ADRA1B: variants seen among roughly 807,000 people sequenced by gnomAD.
ADRA1B encodes the protein adrenoceptor alpha 1B, also known as alpha-1B adrenergic receptor.
In ADRA1B, 17 loss-of-function variants were observed where a neutral mutation model predicts 17.9. The ratio of observed to expected loss-of-function variants is 0.95; its 90% CI spans 0.65 to 1.42. The LOEUF (loss-of-function observed/expected upper bound fraction) is 1.42. ADRA1B is among the 40% of genes most tolerant of loss of function. The probability of loss-of-function intolerance (pLI) is 0.00; values close to 1 mark genes in which losing one functional copy is unlikely to be tolerated. For synonymous variants in ADRA1B, 366 were observed against 327.6 expected (o/e 1.12, Z -1.27); for missense variants, 681 against 722.1 (o/e 0.94, Z 0.65).
intron 1 of ADRA1B, chr5:159,950,411 A>C: frequency 9.8e-6 from 7 of 713,544 alleles, no homozygotes; most frequent in Middle Eastern, 3.8e-4. Context: ...GTCATGGGGG[A>C]CTGTGTGTGG....
At chr5:159,931,756 A>G (rs952373436) in intron 1 of ADRA1B, among the ~76,000 whole-genome samples, 13 of 152,186 alleles carry the variant, frequency 8.5e-5, no homozygotes, top group African/African-American at 3.1e-4. Context: ...GGACCTGCCC[A>G]TAGATGGTGA....
At chr5:159,877,861 C>T (rs1403372008) in intron 1 of ADRA1B, among the ~76,000 whole-genome samples, 2 of 152,214 alleles carry the variant, frequency 1.3e-5, no homozygotes, top group Non-Finnish European at 1.5e-5. Flanking sequence ...ATAACTACTA[C>T]TTTATTCTCT....
At chr5:159,911,865 A>C (rs774286120), upstream of ADRA1B, among the ~76,000 whole-genome samples, 1 of 151,664 alleles carries the variant, frequency 6.6e-6, no homozygotes, top group African/African-American at 2.4e-5. Flanking sequence ...CAGATGCCTC[A>C]CTCCTCCAAT....
At chr5:159,886,688 C>T (rs1246570429) in intron 1 of ADRA1B, among the ~76,000 whole-genome samples, 1 of 152,260 alleles carries the variant, frequency 6.6e-6, no homozygotes, top group South Asian at 2.1e-4. Flanking sequence ...AATGTCATCA[C>T]GCTAATATAA....
intron 1 of ADRA1B, among the ~76,000 whole-genome samples, chr5:159,958,838 G>A (rs1755613946): frequency 1.3e-5 from 2 of 152,182 alleles, no homozygotes; most frequent in African/African-American, 4.8e-5. Context: ...CCAATGCTCA[G>A]TTTCTAAAAG....
intron 1 of ADRA1B, among the ~76,000 whole-genome samples, chr5:159,879,431 G>T (rs1189560167): frequency 6.6e-6 from 1 of 152,112 alleles, no homozygotes; most frequent in African/African-American, 2.4e-5. Flanking sequence ...AAACTCTTTA[G>T]GAATAATTCC....
intron 1 of ADRA1B, among the ~76,000 whole-genome samples, chr5:159,956,371 T>C (rs1331677234): frequency 6.6e-6 from 1 of 150,974 alleles, no homozygotes; most frequent in Non-Finnish European, 1.5e-5. Context: ...TTTCCAAATT[T>C]TATTTTTTTG....
chr5:159,928,391 G>A (rs1341360218), intron 1 of ADRA1B, among the ~76,000 whole-genome samples: 1 of 152,130 alleles, frequency 6.6e-6, no homozygotes. Flanking sequence ...ACACTCACCC[G>A]CAGCTCATCT....
chr5:159,873,849 T>A (rs1753775045), intron 1 of ADRA1B, among the ~76,000 whole-genome samples: 1 of 152,154 alleles, frequency 6.6e-6, no homozygotes, highest in South Asian at 2.1e-4. Flanking sequence ...AGGCACTCCA[T>A]CATTTTTTTT....
At chr5:159,898,309 A>G (rs1359703991) in intron 1 of ADRA1B, among the ~76,000 whole-genome samples, 3 of 152,194 alleles carry the variant, frequency 2.0e-5, no homozygotes, top group Non-Finnish European at 2.9e-5. Context: ...AGAGAGACTG[A>G]CTCAGGAGAC....
At chr5:159,914,867 G>GCCT (rs1754263409), upstream of ADRA1B, among the ~76,000 whole-genome samples, 1 of 152,154 alleles carries the variant, frequency 6.6e-6, no homozygotes, top group South Asian at 2.1e-4. Flanking sequence ...AGTAAAAGAA[G>GCCT]GTATCAGGCT....
the ADRA1B span, among the ~76,000 whole-genome samples, chr5:159,988,813 C>CA: frequency 1.8e-4 from 28 of 151,962 alleles, no homozygotes; most frequent in Non-Finnish European, 3.4e-4. Flanking sequence ...CCCATCTCTA[C>CA]AAAAAAAATT....
At position 159,947,996 on chromosome 5, in the gene ADRA1B, A is replaced by G. The variant is rs866733406; in HGVS notation, c.950-23883A>G. 1.2e-5 allele frequency: 12 copies of G among 985,298 alleles called. No individual in the cohort carries two copies. In the African/African-American group the frequency reaches 1.4e-4, roughly 11 times the overall value. 61.0% of individuals were successfully genotyped at this position (985,298 alleles called of 1,614,324 possible). ...GTCATGAAGGGAATTGATTTGATCA[A>G]TTACATTGCTGCTGTCTAATTAGTA... On this transcript the variant is annotated intron_variant, in intron 1 of 1. Coordinates refer to ENST00000306675, the MANE Select transcript of ADRA1B (RefSeq NM_000679.4).
chr5:159,873,420 A>T (rs151321236), intron 1 of ADRA1B, among the ~76,000 whole-genome samples: 2 of 152,212 alleles, frequency 1.3e-5, no homozygotes, highest in Non-Finnish European at 2.9e-5. Context: ...TGGCAGCCTC[A>T]GCTGCAGAGA....
At chr5:159,975,080 G>T (rs1359111327), downstream of ADRA1B, among the ~76,000 whole-genome samples, 2 of 152,194 alleles carry the variant, frequency 1.3e-5, no homozygotes, top group Non-Finnish European at 2.9e-5. Flanking sequence ...GAAAAGAAAA[G>T]CCCCAACTCC....
At chr5:159,952,376 C>T (rs1317569954) in intron 1 of ADRA1B, among the ~76,000 whole-genome samples, 5 of 152,142 alleles carry the variant, frequency 3.3e-5, no homozygotes, top group Admixed American at 2.6e-4. Context: ...TGGTCTCACT[C>T]GCTCTCTCAA....
chr5:159,980,463 C>G, the ADRA1B span, among the ~76,000 whole-genome samples: 26 of 152,186 alleles, frequency 1.7e-4, no homozygotes, highest in Admixed American at 1.5e-3. Flanking sequence ...TGTTCCAACC[C>G]CAGATTATGA....
chr5:159,934,993 A>C (rs935254483), intron 1 of ADRA1B, among the ~76,000 whole-genome samples: 1 of 152,186 alleles, frequency 6.6e-6, no homozygotes, highest in Non-Finnish European at 1.5e-5. Flanking sequence ...GGTGCAAAAC[A>C]CTAGTAAATA....
chr5:159,986,618 C>T, the ADRA1B span, among the ~76,000 whole-genome samples: 1 of 152,164 alleles, frequency 6.6e-6, no homozygotes, highest in Admixed American at 6.5e-5. Flanking sequence ...CAGTCACCTC[C>T]AGCCCCGTCT....
Sources: allele counts gnomAD v4.1 joint callset (sites outside exome capture counted in the v4.1 genomes callset), GRCh38; gene constraint gnomAD v4.1.1; transcripts MANE v1.5; gene names NCBI Gene and HGNC (gene_info 2026-07-23, HGNC 2026-07-21).